PLPPR1: variants seen among roughly 807,000 people sequenced by gnomAD.
PLPPR1 encodes the protein phospholipid phosphatase related 1, also known as phospholipid phosphatase-related protein type 1.
Under a neutral mutation model 33.1 loss-of-function variants are expected in PLPPR1, and 10 were observed. The observed-to-expected ratio is 0.30, with a 90% CI of 0.19 to 0.51. The LOEUF is 0.51. Among genes scored for constraint, PLPPR1 ranks in the 20% least tolerant of loss-of-function variants. The pLI is 0.97. For synonymous variants in PLPPR1, 151 were observed against 151.0 expected, an observed-to-expected ratio of 1.00 and a Z score of 0.00; for missense variants, 304 against 408.1, an observed-to-expected ratio of 0.74 and a Z score of 2.20.
At chr9:101,109,449 G>A (rs1266471442) in intron 1 of PLPPR1, among the ~76,000 whole-genome samples, 6 of 152,066 alleles carry the variant, frequency 3.9e-5, no homozygotes, top group Admixed American at 2.0e-4. Flanking sequence ...TTTTGACATT[G>A]CTCATCATGT....
intron 3 of PLPPR1, among the ~76,000 whole-genome samples, chr9:101,285,062 A>G (rs1329069582): frequency 1.3e-5 from 2 of 152,204 alleles, no homozygotes; most frequent in African/African-American, 4.8e-5. Context: ...TAAAGCAAGG[A>G]TAATTATGCC....
chr9:101,200,566 A>G (rs907010600), intron 2 of PLPPR1, among the ~76,000 whole-genome samples: 7 of 152,186 alleles, frequency 4.6e-5, no homozygotes, highest in African/African-American at 1.4e-4. Context: ...TCTGAGAGCT[A>G]TGTGATCCAG....
chr9:101,220,716 T>G lies in PLPPR1; in HGVS notation c.63+35159T>G, dbSNP rs577293673. ...ACTTTCATGGTAGCTCCACAGAAAT[T>G]TAACTGTTTTTCCTCTTAAGCTCCA... On this transcript the variant is annotated intron_variant, in intron 2 of 7. Coordinates refer to ENST00000374874, the MANE Select transcript of PLPPR1 (RefSeq NM_207299.2). 3.3e-5 allele frequency among the ~76,000 whole-genome samples: 5 copies of G among 152,320 alleles called. No homozygotes were observed. The South Asian group carries it at 1.0e-3, about 32-fold the overall frequency.
chr9:101,224,225 G>A (rs1827012676), intron 2 of PLPPR1, among the ~76,000 whole-genome samples: 2 of 152,148 alleles, frequency 1.3e-5, no homozygotes, highest in African/African-American at 2.4e-5. Flanking sequence ...TTTGGGTGAA[G>A]GTCTTTGCTT....
chr9:101,106,978 G>A (rs1436728607), intron 1 of PLPPR1, among the ~76,000 whole-genome samples: 5 of 78,462 alleles, frequency 6.4e-5, no homozygotes, highest in Non-Finnish European at 6.9e-5. Flanking sequence ...CGTAGTTCTC[G>A]AGCCTTGGCT....
chr9:101,081,284 C>T (rs770818552), intron 1 of PLPPR1, among the ~76,000 whole-genome samples: 34 of 151,912 alleles, frequency 2.2e-4, no homozygotes, highest in Non-Finnish European at 4.3e-4. Context: ...GGTGCGATCT[C>T]GCCTCACTGC....
chr9:101,270,297 T>G (rs895978383), intron 3 of PLPPR1, among the ~76,000 whole-genome samples: 43 of 136,382 alleles, frequency 3.2e-4, no homozygotes, highest in Non-Finnish European at 3.5e-4. Context: ...TAAAAAGATG[T>G]TTTTTTTTAA....
chr9:101,152,293 T>C (rs1313572202), intron 1 of PLPPR1, among the ~76,000 whole-genome samples: 3 of 152,264 alleles, frequency 2.0e-5, no homozygotes, highest in African/African-American at 7.2e-5. Flanking sequence ...AGATTCTGGA[T>C]ATTAGCCCTT....
intron 1 of PLPPR1, among the ~76,000 whole-genome samples, chr9:101,089,876 T>C (rs906339502): frequency 2.0e-5 from 3 of 152,160 alleles, no homozygotes; most frequent in African/African-American, 7.2e-5. Flanking sequence ...TTTTGCAAGA[T>C]GTATTAGTTG....
intron 4 of PLPPR1, among the ~76,000 whole-genome samples, chr9:101,294,162 T>C (rs1385918786): frequency 1.3e-5 from 2 of 152,062 alleles, no homozygotes; most frequent in African/African-American, 4.8e-5. Flanking sequence ...CATCAGAGAA[T>C]ACTACAAACA....
At chr9:101,234,526 C>G (rs1320525612) in intron 2 of PLPPR1, among the ~76,000 whole-genome samples, 1 of 151,606 alleles carries the variant, frequency 6.6e-6, no homozygotes, top group Non-Finnish European at 1.5e-5. Flanking sequence ...TTTACCTTCT[C>G]TCCAATCTCC....
At chr9:101,084,874 A>T (rs1417181512) in intron 1 of PLPPR1, among the ~76,000 whole-genome samples, 1 of 152,314 alleles carries the variant, frequency 6.6e-6, no homozygotes, top group Middle Eastern at 3.4e-3. Context: ...TGGCCAGAGA[A>T]TGCATGTCCC....
At chr9:101,292,765 G>C (rs1588114065) in intron 4 of PLPPR1, among the ~76,000 whole-genome samples, 1 of 151,658 alleles carries the variant, frequency 6.6e-6, no homozygotes, top group Non-Finnish European at 1.5e-5. Context: ...GAGAGATTTT[G>C]TCACCACCAG....
At chr9:101,251,683 C>T (rs1827714828) in intron 2 of PLPPR1, among the ~76,000 whole-genome samples, 2 of 152,064 alleles carry the variant, frequency 1.3e-5, no homozygotes, top group Non-Finnish European at 2.9e-5. Context: ...CAAGCAGCAT[C>T]ATAACCCTAA....
In PLPPR1 at chr9:101,126,093, T is replaced by A. The variant is rs144495469; in HGVS notation, c.-45-59357T>A. ...TGTAAGCATCCAACAGCAGGTCTACTGTACAAATAGGTCTTTTGTCAGATA... is the reference window on the plus strand; with the variant it reads ...TGTAAGCATCCAACAGCAGGTCTACAGTACAAATAGGTCTTTTGTCAGATA... On this transcript the variant is annotated intron_variant, in intron 1 of 7. Transcript: ENST00000374874. Among the ~76,000 whole-genome samples, 408 of 152,316 alleles carry A rather than the reference T, an allele frequency of 2.7e-3. 3 individuals are homozygous for A. Among genetic ancestry groups the A allele is most frequent in the African/African-American group, 9.4e-3 (392 of 41,574 alleles).
intron 1 of PLPPR1, among the ~76,000 whole-genome samples, chr9:101,097,057 G>A (rs1314004832): frequency 6.6e-6 from 1 of 152,154 alleles, no homozygotes; most frequent in Non-Finnish European, 1.5e-5. Flanking sequence ...CATGAATAAG[G>A]ACATCATCTG....
intron 1 of PLPPR1, among the ~76,000 whole-genome samples, chr9:101,085,605 C>A (rs377706289): frequency 4.3e-4 from 66 of 152,084 alleles, no homozygotes; most frequent in African/African-American, 1.6e-3. Flanking sequence ...GGGGAAAAAG[C>A]GATAGAAAAA....
intron 1 of PLPPR1, among the ~76,000 whole-genome samples, chr9:101,153,281 AG>A (rs1441320139): frequency 2.6e-5 from 4 of 152,322 alleles, no homozygotes; most frequent in African/African-American, 9.6e-5. Context: ...TATCAGCTTA[AG>A]GAGATTTTGG....
chr9:101,294,080 G>C (rs1828571837), intron 4 of PLPPR1, among the ~76,000 whole-genome samples: 1 of 152,066 alleles, frequency 6.6e-6, no homozygotes, highest in Non-Finnish European at 1.5e-5. Flanking sequence ...GAAGAAAAGA[G>C]AAGAATCAAA....
Sources: allele counts gnomAD v4.1 joint callset (sites outside exome capture counted in the v4.1 genomes callset), GRCh38; gene constraint gnomAD v4.1.1; transcripts MANE v1.5; gene names NCBI Gene and HGNC (gene_info 2026-07-23, HGNC 2026-07-21).